CAMK4: variants seen among roughly 807,000 people sequenced by gnomAD.
CAMK4 encodes calcium/calmodulin-dependent protein kinase type IV.
CAMK4 carries 22 observed loss-of-function variants against 44.9 expected under a neutral mutation model. That is an observed-to-expected ratio of 0.49 (90% confidence interval 0.35 to 0.70). The LOEUF is 0.70. Ranked by LOEUF, CAMK4 falls within the 30% of genes least tolerant of loss-of-function variation. CAMK4 has a pLI of 0.01. For missense variants in CAMK4, 498 were observed against 586.8 expected (o/e 0.85, Z 1.56); for synonymous variants, 218 against 215.4 (o/e 1.01, Z -0.11).
At chr5:111,346,694 T>C (rs1367021505) in intron 2 of CAMK4, among the ~76,000 whole-genome samples, 1 of 151,906 alleles carries the variant, frequency 6.6e-6, no homozygotes, top group Non-Finnish European at 1.5e-5. Flanking sequence ...GAAGATCTTT[T>C]CCATGCCTCT....
chr5:111,374,822 A>C, intron 2 of CAMK4, 28 bp from the exon 3 acceptor site: 1 of 1,466,248 alleles, frequency 6.8e-7, no homozygotes, highest in Non-Finnish European at 9.6e-7. Flanking sequence ...AGTTTCTTTC[A>C]GTTTATCTCT....
At chr5:111,319,710 A>T (rs1748579567) in intron 1 of CAMK4, among the ~76,000 whole-genome samples, 1 of 152,208 alleles carries the variant, frequency 6.6e-6, no homozygotes, top group African/African-American at 2.4e-5. Context: ...TGTAGAAAGC[A>T]TATCCAGTTT....
At chr5:111,444,001 G>C (rs1007678425) in intron 5 of CAMK4, among the ~76,000 whole-genome samples, 4 of 152,132 alleles carry the variant, frequency 2.6e-5, no homozygotes, top group African/African-American at 9.7e-5. Flanking sequence ...GGTCGAGCAT[G>C]CTCCTCTGTC....
chr5:111,248,819 C>T (rs1749353284), intron 1 of CAMK4, among the ~76,000 whole-genome samples: 1 of 152,004 alleles, frequency 6.6e-6, no homozygotes, highest in Non-Finnish European at 1.5e-5. Flanking sequence ...AGACTATGAC[C>T]AGTAATCAAA....
At chr5:111,282,013 T>C (rs1751039766) in intron 1 of CAMK4, among the ~76,000 whole-genome samples, 1 of 151,038 alleles carries the variant, frequency 6.6e-6, no homozygotes, top group Non-Finnish European at 1.5e-5. Flanking sequence ...GAGCCGAGAT[T>C]GCGCCACTGC....
At chr5:111,472,822 C>A (rs534427432) in intron 7 of CAMK4, among the ~76,000 whole-genome samples, 19 of 152,104 alleles carry the variant, frequency 1.2e-4, no homozygotes, top group Middle Eastern at 3.2e-3. Flanking sequence ...AGACTAGATA[C>A]TTGTCAACCC....
intron 1 of CAMK4, among the ~76,000 whole-genome samples, chr5:111,295,378 A>C (rs1352169921): frequency 6.6e-6 from 1 of 152,198 alleles, no homozygotes; most frequent in Non-Finnish European, 1.5e-5. Flanking sequence ...CATAGTCAAT[A>C]TTCTGCTGCT....
intron 1 of CAMK4, among the ~76,000 whole-genome samples, chr5:111,292,149 TTCAG>T (rs1714878051): frequency 6.6e-6 from 1 of 152,208 alleles, no homozygotes; most frequent in Non-Finnish European, 1.5e-5. Flanking sequence ...GGTTGGCATA[TTCAG>T]TCAGTCTGAC....
intron 1 of CAMK4, among the ~76,000 whole-genome samples, chr5:111,272,116 T>C (rs1352784687): frequency 6.6e-6 from 1 of 151,854 alleles, no homozygotes; most frequent in Admixed American, 6.6e-5. Flanking sequence ...TTTGTGTGTG[T>C]GTTTGTGTGT....
chr5:111,296,340 T>A (rs1747484653), intron 1 of CAMK4, among the ~76,000 whole-genome samples: 1 of 152,222 alleles, frequency 6.6e-6, no homozygotes, highest in Non-Finnish European at 1.5e-5. Context: ...TCAGGAAAAG[T>A]CTGGAAAGTT....
chr5:111,429,777 C>CAAAAAAA lies in CAMK4; in HGVS notation c.460-16884_460-16878dup, dbSNP rs70973607. Among the ~76,000 whole-genome samples, 114 of 26,348 alleles carry CAAAAAAA rather than the reference C, an allele frequency of 4.3e-3. 1 individual carries two copies. The highest frequency in any genetic ancestry group is 8.3e-3 in the South Asian group (1 of 120). The allele number at this position is 26,348 out of a possible 152,430, so 17.3% of individuals were successfully genotyped here. ...TGGGTGACAGAGTGAGACCTCATCT[C>CAAAAAAA]AAAAAAAAAAAAAAAAAAAAAAAAA... On this transcript the variant is annotated intron_variant, in intron 5 of 10. Coordinates refer to ENST00000282356, the MANE Select transcript of CAMK4 (RefSeq NM_001744.6).
At chr5:111,285,519 C>G (rs944427538) in intron 1 of CAMK4, among the ~76,000 whole-genome samples, 1 of 152,196 alleles carries the variant, frequency 6.6e-6, no homozygotes, top group Non-Finnish European at 1.5e-5. Flanking sequence ...TGAGGTTCCT[C>G]TACATAATGA....
chr5:111,437,456 A>G (rs1753686187), intron 5 of CAMK4, among the ~76,000 whole-genome samples: 1 of 152,184 alleles, frequency 6.6e-6, no homozygotes, highest in Non-Finnish European at 1.5e-5. Flanking sequence ...GAAATGTAGT[A>G]TCTGGGGATT....
At chr5:111,396,246 A>G (rs1196145338) in intron 5 of CAMK4, among the ~76,000 whole-genome samples, 1 of 152,224 alleles carries the variant, frequency 6.6e-6, no homozygotes, top group African/African-American at 2.4e-5. Context: ...TTTATTCCCC[A>G]TAAAAGTGTT....
At chr5:111,480,289 C>CACACACACAT (rs70973611) in intron 9 of CAMK4, among the ~76,000 whole-genome samples, 3 of 148,012 alleles carry the variant, frequency 2.0e-5, no homozygotes, top group African/African-American at 7.6e-5. Flanking sequence ...CACACACACA[C>CACACACACAT]CCCTGGGTAA....
intron 1 of CAMK4, among the ~76,000 whole-genome samples, chr5:111,262,770 G>T (rs892379648): frequency 1.3e-5 from 2 of 152,122 alleles, no homozygotes; most frequent in African/African-American, 4.8e-5. Context: ...TGCTAAAATT[G>T]TGAACAATTT....
At position 111,312,207 on chromosome 5, in the gene CAMK4, G is replaced by A. The variant is rs113269768; in HGVS notation, c.162-31817G>A. Among the ~76,000 whole-genome samples the A allele has an allele frequency of 5.1e-4, 78 of 152,198 alleles. 1 individual carries two copies. Among genetic ancestry groups the A allele is most frequent in the African/African-American group, 1.9e-3 (78 of 41,524 alleles). On this transcript the variant is annotated intron_variant, in intron 1 of 10. Coordinates refer to ENST00000282356, the MANE Select transcript of CAMK4 (RefSeq NM_001744.6). ...GCCAAGACCTTAAGACCAAAGTGGA[G>A]GACTCCTAATAGATGCCCAGAGAAT...
chr5:111,486,503 A>AC lies in CAMK4; in HGVS notation c.*2038dup, dbSNP rs1755627053. The AC allele has an allele frequency of 3.2e-5, 1 of 31,426 alleles. No homozygotes were observed. The highest frequency in any genetic ancestry group is 8.5e-5 in the Non-Finnish European group (1 of 11,808). The allele number at this position is 31,426 out of a possible 1,614,324, so 1.9% of individuals were successfully genotyped here. ...GTACTTTTTACCATGAGACTGAAAC[A>AC]CACACACACACACACACACACACAC... On this transcript the variant is annotated 3_prime_UTR_variant, in exon 11 of 11. Transcript: ENST00000282356.
chr5:111,473,864 G>A (rs942438467), intron 8 of CAMK4, among the ~76,000 whole-genome samples: 1 of 152,038 alleles, frequency 6.6e-6, no homozygotes, highest in Non-Finnish European at 1.5e-5. Flanking sequence ...TCTTATTTCT[G>A]TTAGGTTTTC....
Sources: allele counts gnomAD v4.1 joint callset (sites outside exome capture counted in the v4.1 genomes callset), GRCh38; gene constraint gnomAD v4.1.1; transcripts MANE v1.5; gene names NCBI Gene and HGNC (gene_info 2026-07-23, HGNC 2026-07-21).